The following CADPS variants were observed in gnomAD, a reference collection of about 807,000 sequenced individuals.
CADPS encodes calcium-dependent secretion activator 1.
In CADPS, 57 loss-of-function variants were observed where a neutral mutation model predicts 167.3. That is an observed-to-expected ratio of 0.34 (90% CI 0.28 to 0.42). The LOEUF (loss-of-function observed/expected upper bound fraction) is 0.42. Ranked by LOEUF, CADPS falls within the 20% of genes least tolerant of loss-of-function variation. The pLI, the probability that CADPS is intolerant of heterozygous loss-of-function variation, is 1.00. For missense variants in CADPS, 1,414 were observed against 1,738.1 expected (o/e 0.81, Z 3.32); for synonymous variants, 676 against 635.3 (o/e 1.06, Z -0.96).
chr3:62,583,099 ACATT>A (rs1310006065), intron 8 of CADPS, among the ~76,000 whole-genome samples: 3 of 152,036 alleles, frequency 2.0e-5, no homozygotes, highest in Admixed American at 1.3e-4. Flanking sequence ...GAGGACAGAT[ACATT>A]CATTCATATT....
chr3:62,557,573 C>T, intron 9 of CADPS, 60 bp from the exon 10 acceptor site: 1 of 1,305,444 alleles, frequency 7.7e-7, no homozygotes, highest in Non-Finnish European at 1.1e-6. Context: ...CCAAAAAACC[C>T]TCCCCCATGT....
intron 2 of CADPS, among the ~76,000 whole-genome samples, chr3:62,765,522 T>C (rs943796705): frequency 1.3e-5 from 2 of 152,200 alleles, no homozygotes; most frequent in Non-Finnish European, 2.9e-5. Context: ...TGATTTTTCA[T>C]AGCTGTGTGA....
At chr3:62,732,764 T>A (rs1226162253) in intron 3 of CADPS, among the ~76,000 whole-genome samples, 1 of 152,212 alleles carries the variant, frequency 6.6e-6, no homozygotes, top group Non-Finnish European at 1.5e-5. Context: ...ACATGTGTAC[T>A]CTGTACTTTT....
chr3:62,537,888 C>CTTATTG (rs1362616547), intron 11 of CADPS, among the ~76,000 whole-genome samples: 2 of 151,936 alleles, frequency 1.3e-5, no homozygotes, highest in African/African-American at 4.8e-5. Context: ...TTTATACCTC[C>CTTATTG]TTATTGTTTG....
At position 62,566,816 on chromosome 3, in the gene CADPS, TG is replaced by T. The variant is rs1465247320; in HGVS notation, c.1644+4055del. ...TGATTCAGGCTGAAACAGATTTTTT[TG>T]GGGGGATGGATGTCCCCAACATACC... On this transcript the variant is annotated intron_variant, in intron 9 of 29. Transcript: ENST00000383710. Among the ~76,000 whole-genome samples the T allele has an allele frequency of 3.3e-5, 5 of 152,142 alleles. 1 individual carries two copies. Among genetic ancestry groups the T allele is most frequent in the Admixed American group, 1.3e-4 (2 of 15,278 alleles).
chr3:62,417,770 C>T (rs1206542373), intron 28 of CADPS, among the ~76,000 whole-genome samples: 1 of 151,882 alleles, frequency 6.6e-6, no homozygotes, highest in Non-Finnish European at 1.5e-5. Flanking sequence ...AGTTCCAAGG[C>T]TGAGGTGAGC....
chr3:62,839,861 G>A (rs776542891), intron 1 of CADPS, among the ~76,000 whole-genome samples: 20 of 152,154 alleles, frequency 1.3e-4, no homozygotes, highest in Non-Finnish European at 2.8e-4. Context: ...GATTAAACAT[G>A]AGATGAGAGG....
At chr3:62,422,839 C>A (rs2051742884) in intron 28 of CADPS, among the ~76,000 whole-genome samples, 1 of 152,162 alleles carries the variant, frequency 6.6e-6, no homozygotes, top group Non-Finnish European at 1.5e-5. Flanking sequence ...GTCAACAGTA[C>A]CTCATTGGAA....
At chr3:62,666,561 A>G (rs1425917068) in intron 3 of CADPS, among the ~76,000 whole-genome samples, 2 of 152,186 alleles carry the variant, frequency 1.3e-5, no homozygotes, top group Non-Finnish European at 2.9e-5. Context: ...GTACATGCGC[A>G]TAAAGGCTCT....
At chr3:62,539,164 T>C (rs1273558180) in intron 11 of CADPS, among the ~76,000 whole-genome samples, 1 of 152,134 alleles carries the variant, frequency 6.6e-6, no homozygotes, top group African/African-American at 2.4e-5. Flanking sequence ...GATTTTAGGT[T>C]GAGCTCTGTT....
At chr3:62,599,745 AATC>A (rs2059538006) in intron 6 of CADPS, among the ~76,000 whole-genome samples, 1 of 24,452 alleles carries the variant, frequency 4.1e-5, no homozygotes, top group South Asian at 1.3e-3. Flanking sequence ...TAATATATAT[AATC>A]TATTATATAT....
At chr3:62,407,111 C>T (rs1708778747) in intron 28 of CADPS, among the ~76,000 whole-genome samples, 1 of 151,762 alleles carries the variant, frequency 6.6e-6, no homozygotes, top group Non-Finnish European at 1.5e-5. Context: ...ATGTTAGCTA[C>T]CACCACCTCC....
chr3:62,826,976 A>C (rs1246586725), intron 1 of CADPS, among the ~76,000 whole-genome samples: 1 of 152,114 alleles, frequency 6.6e-6, no homozygotes, highest in Non-Finnish European at 1.5e-5. Flanking sequence ...ATTTAAAAAT[A>C]CACCTAAGCT....
chr3:62,719,151 A>C (rs7636667), intron 3 of CADPS, among the ~76,000 whole-genome samples: 83,318 of 151,952 alleles, frequency 0.55, 23,207 homozygotes, highest in East Asian at 0.74. Context: ...GAAGAGACCT[A>C]AGCTGGGATC....
chr3:62,590,999 T>G (rs1440087861), intron 7 of CADPS, among the ~76,000 whole-genome samples: 1 of 151,966 alleles, frequency 6.6e-6, no homozygotes, highest in African/African-American at 2.4e-5. Context: ...GGATTACAGG[T>G]GCCTGCCACC....
At chr3:62,402,604 G>C (rs928953497) in intron 29 of CADPS, among the ~76,000 whole-genome samples, 6 of 152,102 alleles carry the variant, frequency 3.9e-5, no homozygotes, top group African/African-American at 1.2e-4. Context: ...ATTGTAAGAC[G>C]AACTACTTCA....
rs572972844 is a variant in CADPS at position 62,418,231 on chromosome 3, T to C, written c.3778-15046A>G. Among the ~76,000 whole-genome samples the C allele has an allele frequency of 2.6e-5, 4 of 151,996 alleles. No individual in the cohort carries two copies. In the East Asian group the frequency reaches 5.8e-4, roughly 22 times the overall value. ...GTAATTTCATATGTAATAAATTGGC[T>C]TTTAATTTTTATTGTATTTTTCCTG... On this transcript the variant is annotated intron_variant, in intron 28 of 29. Coordinates refer to ENST00000383710, the MANE Select transcript of CADPS (RefSeq NM_003716.4).
chr3:62,820,315 T>C (rs2094841578), intron 1 of CADPS, among the ~76,000 whole-genome samples: 1 of 152,156 alleles, frequency 6.6e-6, no homozygotes, highest in Non-Finnish European at 1.5e-5. Flanking sequence ...GATAGCACTT[T>C]TCTGAAATAT....
At chr3:62,400,601 C>CTTTCTTTTTTTTTTTT in intron 29 of CADPS, among the ~76,000 whole-genome samples, 1 of 130,430 alleles carries the variant, frequency 7.7e-6, no homozygotes, top group Non-Finnish European at 1.6e-5. Context: ...TTTTTTTTTT[C>CTTTCTTTTTTTTTTTT]TTTTTTTTTT....
Sources: gnomAD v4.1 joint callset for allele counts (sites outside exome capture counted in the v4.1 genomes callset) on GRCh38, gnomAD v4.1.1 for gene constraint, MANE v1.5 for transcripts, NCBI Gene and HGNC (gene_info 2026-07-23, HGNC 2026-07-21) for gene names.